RAB6B: variants seen among roughly 807,000 people sequenced by gnomAD.
RAB6B encodes ras-related protein Rab-6B.
Under a neutral mutation model 31.2 loss-of-function variants are expected in RAB6B, and 7 were observed. The observed-to-expected ratio is 0.22, with a 90% CI of 0.13 to 0.42. The LOEUF (loss-of-function observed/expected upper bound fraction) is 0.42, where lower values mean the gene tolerates loss of function less well. Ranked by LOEUF, RAB6B falls within the 10% of genes least tolerant of loss-of-function variation. RAB6B has a pLI of 1.00. For missense variants in RAB6B, 149 were observed against 280.6 expected, an observed-to-expected ratio of 0.53 and a Z score of 3.35; for synonymous variants, 105 against 104.9, an observed-to-expected ratio of 1.00 and a Z score of -0.01.
At chr3:133,891,292 G>T (rs1000697048) in intron 1 of RAB6B, among the ~76,000 whole-genome samples, 1 of 152,222 alleles carries the variant, frequency 6.6e-6, no homozygotes, top group Admixed American at 6.5e-5. Flanking sequence ...AGTCACCCTT[G>T]TCCTCTGAAC....
At chr3:133,836,029 C>A (rs79533570) in intron 6 of RAB6B, among the ~76,000 whole-genome samples, 1 of 152,206 alleles carries the variant, frequency 6.6e-6, no homozygotes, top group Non-Finnish European at 1.5e-5. Flanking sequence ...ACTGGGTGGG[C>A]TCTGGGCTCA....
chr3:133,859,794 G>A (rs1285904846), intron 2 of RAB6B, among the ~76,000 whole-genome samples: 1 of 152,248 alleles, frequency 6.6e-6, no homozygotes, highest in African/African-American at 2.4e-5. Flanking sequence ...TCACTGGGGA[G>A]GGGCAGGTGC....
Position 133,828,808 on chromosome 3 carries a change from C to T in RAB6B, c.607G>A (p.Glu203Lys), listed in dbSNP as rs373337169. ...CTGCATTAGCAGGAGCAGCCGCCCT[C>T]GCTGGCCGGGGGCTCCTGGGGTTTG... ...LDKPQEPPAS[E>K]GGCSC The change falls in exon 8 of 8, where the codon GAG (glutamate) becomes AAG (lysine). Residue 203 changes from glutamate to lysine, a missense_variant. Glu to Lys is a moderately conservative substitution (Grantham distance 56). Around this residue, in one of 2 missense-constraint regions of RAB6B, gnomAD observed 74 missense variants for 100.5 expected, o/e 0.74. Coordinates refer to ENST00000285208, the MANE Select transcript of RAB6B (RefSeq NM_016577.4). 37 of 1,613,102 alleles carry T rather than the reference C, an allele frequency of 2.3e-5. No homozygotes were observed. The highest frequency in any genetic ancestry group is 2.7e-5 in the Non-Finnish European group (32 of 1,179,476).
rs190316644 is a variant in RAB6B, at chr3:133,891,051, G to A, written c.70+4346C>T. ...GGTGGGAGGAGGAAACTTGCTAGGA[G>A]GGGCTGCTGGCACATCTACCAGGCT... On this transcript the variant is annotated intron_variant, in intron 1 of 7. Coordinates refer to ENST00000285208, the MANE Select transcript of RAB6B (RefSeq NM_016577.4). Among the ~76,000 whole-genome samples the A allele has an allele frequency of 3.1e-3, 477 of 152,274 alleles. 1 individual carries two copies. The highest frequency in any genetic ancestry group is 0.011 in the African/African-American group (452 of 41,554).
chr3:133,837,339 T>C (rs60886559), intron 6 of RAB6B, among the ~76,000 whole-genome samples: 9,200 of 152,222 alleles, frequency 0.06, 926 homozygotes, highest in African/African-American at 0.21. Flanking sequence ...ATGAAACACA[T>C]TGAACAGCGA....
At chr3:133,883,261 C>G (rs1004931758) in intron 1 of RAB6B, among the ~76,000 whole-genome samples, 1 of 152,130 alleles carries the variant, frequency 6.6e-6, no homozygotes, top group Non-Finnish European at 1.5e-5. Flanking sequence ...TGGAAAACAC[C>G]CTCCCTCAAC....
At chr3:133,834,782 G>A in intron 6 of RAB6B, 141 bp from the exon 7 acceptor site, 1 of 776,160 alleles carries the variant, frequency 1.3e-6, no homozygotes. Context: ...TGCCCTCAAA[G>A]GCAGGGGCTG....
chr3:133,856,471 C>A (rs573607749), intron 2 of RAB6B, among the ~76,000 whole-genome samples: 7 of 152,102 alleles, frequency 4.6e-5, no homozygotes, highest in Admixed American at 6.5e-5. Flanking sequence ...ATCCTTCCCC[C>A]CAAGCAGACT....
chr3:133,861,862 T>C (rs992852769), intron 2 of RAB6B, among the ~76,000 whole-genome samples: 1 of 152,140 alleles, frequency 6.6e-6, no homozygotes, highest in Non-Finnish European at 1.5e-5. Context: ...GAAGGATGTC[T>C]GAAGGGGTGG....
Position 133,827,527 on chromosome 3 carries a change from G to T in RAB6B, c.*1261C>A, listed in dbSNP as rs991242749. Reference sequence around the variant, plus strand: ...AAAATGGAAGAGATGGCTCTCTGGGGGCAAGCAGCCTTCTGGAGACCCCAC... The same window carrying T: ...AAAATGGAAGAGATGGCTCTCTGGGTGCAAGCAGCCTTCTGGAGACCCCAC... On this transcript the variant is annotated 3_prime_UTR_variant, in exon 8 of 8. Coordinates refer to ENST00000285208, the MANE Select transcript of RAB6B (RefSeq NM_016577.4). 7 of 216,802 alleles carry T rather than the reference G, an allele frequency of 3.2e-5. No homozygotes were observed. Among genetic ancestry groups the T allele is most frequent in the Non-Finnish European group, 6.4e-5 (7 of 110,062 alleles). 13.4% of individuals were successfully genotyped at this position (216,802 alleles called of 1,614,324 possible).
chr3:133,841,425 G>T (rs769919569), intron 3 of RAB6B, 35 bp from the exon 4 acceptor site: 12 of 1,606,796 alleles, frequency 7.5e-6, no homozygotes, highest in Admixed American at 3.3e-5. Context: ...GGGCAGAGGG[G>T]TCAGTGGGGC....
At chr3:133,843,888 G>A (rs779185758) in intron 2 of RAB6B, among the ~76,000 whole-genome samples, 16 of 152,202 alleles carry the variant, frequency 1.1e-4, no homozygotes, top group Non-Finnish European at 2.4e-4. Context: ...AACGAAGGCT[G>A]ACTCCCTGAC....
At chr3:133,891,852 G>A (rs969468699) in intron 1 of RAB6B, among the ~76,000 whole-genome samples, 3 of 152,194 alleles carry the variant, frequency 2.0e-5, no homozygotes, top group African/African-American at 7.2e-5. Flanking sequence ...TGGCTGGTCA[G>A]AGCGAGAAAC....
rs1437472294 is a variant in RAB6B, at chr3:133,881,624, G to A, written c.70+13773C>T. Among the ~76,000 whole-genome samples the A allele has an allele frequency of 2.0e-5, 3 of 152,200 alleles. No individual in the cohort carries two copies. The East Asian group carries it at 5.8e-4, about 29-fold the overall frequency. ...AAGGGCCTAGAGAATATGTGGTCTA[G>A]CCCTGCATGCCACAGAGGAAAAATC... On this transcript the variant is annotated intron_variant, in intron 1 of 7. Coordinates refer to ENST00000285208, the MANE Select transcript of RAB6B (RefSeq NM_016577.4).
At position 133,891,497 on chromosome 3, in the gene RAB6B, G is replaced by A. The variant is rs537604519; in HGVS notation, c.70+3900C>T. 8.3e-4 allele frequency among the ~76,000 whole-genome samples: 127 copies of A among 152,292 alleles called. 1 individual carries two copies. Among genetic ancestry groups the A allele is most frequent in the African/African-American group, 2.8e-3 (117 of 41,558 alleles). ...ACCAGCCCCCAGAGGCGGGTCAGGC[G>A]CCCCTGCTCTAGGCCCCAGTAGCAG... On this transcript the variant is annotated intron_variant, in intron 1 of 7. Transcript: ENST00000285208.
In RAB6B at chr3:133,841,960, C is replaced by T. The variant is rs192786385; in HGVS notation, c.130-297G>A. 2.0e-5 allele frequency among the ~76,000 whole-genome samples: 3 copies of T among 152,270 alleles called. No individual in the cohort carries two copies. In the East Asian group the frequency reaches 5.8e-4, roughly 29 times the overall value. ...GAGGAGGCCTCCCCAGGAGCAAGGC[C>T]ACTCAGGCCACTCAACGCACATATC... On this transcript the variant is annotated intron_variant, in intron 2 of 7. Coordinates refer to ENST00000285208, the MANE Select transcript of RAB6B (RefSeq NM_016577.4).
Position 133,825,068 on chromosome 3 carries a change from T to A in RAB6B, c.*3720A>T, listed in dbSNP as rs981497367. The A allele has an allele frequency of 3.3e-5, 5 of 152,056 alleles. No individual in the cohort carries two copies. Among genetic ancestry groups the A allele is most frequent in the African/African-American group, 1.2e-4 (5 of 41,378 alleles). 9.4% of individuals were successfully genotyped at this position (152,056 alleles called of 1,614,324 possible). On this transcript the variant is annotated 3_prime_UTR_variant, in exon 8 of 8. Transcript: ENST00000285208. ...TGGGGAGAGGCAGTTCGGAAACGAG[T>A]GTGCGCACAATCTGCTCGGTTGATG...
rs16841014 is a variant in RAB6B at position 133,825,481 on chromosome 3, T to C, written c.*3307A>G. 2.0e-5 allele frequency: 3 copies of C among 152,154 alleles called. No individual in the cohort carries two copies. Among genetic ancestry groups the C allele is most frequent in the Non-Finnish European group, 4.4e-5 (3 of 68,048 alleles). 9.4% of individuals were successfully genotyped at this position (152,154 alleles called of 1,614,324 possible). A position where few individuals can be genotyped will look rare whatever the true frequency, so the allele number is the denominator to read the frequency against. On this transcript the variant is annotated 3_prime_UTR_variant, in exon 8 of 8. Coordinates refer to ENST00000285208, the MANE Select transcript of RAB6B (RefSeq NM_016577.4). The stretch of plus-strand genomic sequence containing the variant: ...ATGACAAGAAGAGAGCAGCGATAGA[T>C]AGCAAGGAGGCCTCTGACCAAGGGA...
intron 2 of RAB6B, among the ~76,000 whole-genome samples, chr3:133,853,926 C>T (rs969540137): frequency 6.6e-6 from 1 of 152,158 alleles, no homozygotes; most frequent in African/African-American, 2.4e-5. Context: ...GGAGACTCTC[C>T]AGCAATGTTT....
Sources: gnomAD v4.1 joint callset for allele counts (sites outside exome capture counted in the v4.1 genomes callset) on GRCh38, gnomAD v4.1.1 for gene constraint, gnomAD v4.1.1 regional missense constraint, MANE v1.5 for transcripts, NCBI Gene and HGNC (gene_info 2026-07-23, HGNC 2026-07-21) for gene names.